The following KHDRBS2 variants were observed in gnomAD, a reference collection of about 807,000 sequenced individuals.
KHDRBS2 encodes the protein KH RNA binding domain containing, signal transduction associated 2.
KHDRBS2 carries 26 observed loss-of-function variants against 44.3 expected under a neutral mutation model. The observed-to-expected ratio is 0.59, with a 90% CI of 0.43 to 0.81. KHDRBS2 has a LOEUF of 0.81. Among genes scored for constraint, KHDRBS2 ranks in the 40% least tolerant of loss-of-function variants. The probability of loss-of-function intolerance (pLI) is 0.00; values close to 1 mark genes in which losing one functional copy is unlikely to be tolerated. For missense variants in KHDRBS2, 476 were observed against 433.1 expected, an observed-to-expected ratio of 1.10 and a Z score of -0.88; for synonymous variants, 194 against 151.1, an observed-to-expected ratio of 1.28 and a Z score of -2.08.
chr6:61,730,968 C>T (rs749524603), intron 7 of KHDRBS2, among the ~76,000 whole-genome samples: 2 of 151,994 alleles, frequency 1.3e-5, no homozygotes, highest in Non-Finnish European at 2.9e-5. Flanking sequence ...GAATGTCCCT[C>T]ATTATCAGAA....
chr6:62,251,938 T>C (rs1009315733), intron 1 of KHDRBS2, among the ~76,000 whole-genome samples: 2 of 151,884 alleles, frequency 1.3e-5, no homozygotes, highest in Non-Finnish European at 2.9e-5. Context: ...TGTTAAAATA[T>C]TTAAAAATAC....
At chr6:62,129,017 T>C (rs1278045282) in intron 2 of KHDRBS2, among the ~76,000 whole-genome samples, 2 of 152,068 alleles carry the variant, frequency 1.3e-5, no homozygotes, top group South Asian at 2.1e-4. Context: ...GAATGATAAA[T>C]AGGACCTTTT....
At chr6:62,096,376 CTT>C (rs1562847110) in intron 2 of KHDRBS2, among the ~76,000 whole-genome samples, 2 of 151,826 alleles carry the variant, frequency 1.3e-5, no homozygotes, top group Admixed American at 6.6e-5. Flanking sequence ...TGATGGGAGA[CTT>C]TTTATTTCTT....
At chr6:62,033,615 T>C (rs189546565) in intron 3 of KHDRBS2, among the ~76,000 whole-genome samples, 2 of 151,428 alleles carry the variant, frequency 1.3e-5, no homozygotes, top group East Asian at 3.9e-4. Context: ...TATCTGGATA[T>C]ATATATCCAG....
chr6:62,015,147 AATC>A (rs1399842697), intron 3 of KHDRBS2, among the ~76,000 whole-genome samples: 1 of 152,178 alleles, frequency 6.6e-6, no homozygotes, highest in Non-Finnish European at 1.5e-5. Flanking sequence ...TACATAATTG[AATC>A]ATCATTATAT....
intron 2 of KHDRBS2, among the ~76,000 whole-genome samples, chr6:62,078,509 C>T (rs971948360): frequency 2.0e-5 from 3 of 151,530 alleles, no homozygotes; most frequent in African/African-American, 7.3e-5. Flanking sequence ...GACTATTTTC[C>T]CCAAAACAAA....
chr6:62,148,359 C>G (rs1814378770), intron 2 of KHDRBS2, among the ~76,000 whole-genome samples: 1 of 151,980 alleles, frequency 6.6e-6, no homozygotes, highest in Non-Finnish European at 1.5e-5. Flanking sequence ...AGTAAGAATA[C>G]TATGAATAAA....
intron 1 of KHDRBS2, among the ~76,000 whole-genome samples, chr6:62,187,176 C>T (rs1207039131): frequency 1.3e-5 from 2 of 152,068 alleles, no homozygotes; most frequent in African/African-American, 4.8e-5. Flanking sequence ...TTATATCATT[C>T]CATCTTCATA....
At chr6:62,164,996 T>C (rs1818381979) in intron 2 of KHDRBS2, among the ~76,000 whole-genome samples, 1 of 151,904 alleles carries the variant, frequency 6.6e-6, no homozygotes, top group Admixed American at 6.6e-5. Context: ...AAATATGAAT[T>C]CTTCTGTATA....
chr6:61,798,981 G>C (rs1582900059), intron 6 of KHDRBS2, among the ~76,000 whole-genome samples: 2 of 151,960 alleles, frequency 1.3e-5, no homozygotes, highest in Non-Finnish European at 2.9e-5. Flanking sequence ...GAATTTTGTA[G>C]ATATTTGATA....
intron 2 of KHDRBS2, among the ~76,000 whole-genome samples, chr6:62,061,649 G>A (rs929130658): frequency 1.3e-5 from 2 of 151,024 alleles, no homozygotes; most frequent in Non-Finnish European, 3.0e-5. Context: ...ACAATTATGT[G>A]TCTTGGAGTT....
intron 2 of KHDRBS2, among the ~76,000 whole-genome samples, chr6:62,147,040 T>G (rs1562956327): frequency 2.0e-5 from 3 of 151,938 alleles, no homozygotes; most frequent in Admixed American, 1.3e-4. Context: ...TTAAAAATGC[T>G]TATAAGATAT....
chr6:62,113,372 G>T (rs1259161818), intron 2 of KHDRBS2, among the ~76,000 whole-genome samples: 1 of 152,064 alleles, frequency 6.6e-6, no homozygotes, highest in African/African-American at 2.4e-5. Context: ...TTTTAATGTG[G>T]TTAAAATATA....
chr6:62,188,651 A>C (rs948927904), intron 1 of KHDRBS2, among the ~76,000 whole-genome samples: 5 of 152,188 alleles, frequency 3.3e-5, no homozygotes, highest in Admixed American at 3.3e-4. Context: ...AAATGAAACA[A>C]CGTGCAAGAC....
chr6:61,828,620 G>C (rs1170534075), intron 6 of KHDRBS2, among the ~76,000 whole-genome samples: 2 of 152,034 alleles, frequency 1.3e-5, no homozygotes, highest in African/African-American at 2.4e-5. Context: ...TATACCTTTT[G>C]GGTATCCCTC....
At chr6:61,973,737 T>C (rs544996433) in intron 4 of KHDRBS2, among the ~76,000 whole-genome samples, 2 of 152,288 alleles carry the variant, frequency 1.3e-5, no homozygotes, top group South Asian at 2.1e-4. Flanking sequence ...CTTTAAATTA[T>C]ATAGACCTCT....
intron 2 of KHDRBS2, among the ~76,000 whole-genome samples, chr6:62,168,744 T>C (rs1819212014): frequency 1.3e-5 from 2 of 152,070 alleles, no homozygotes; most frequent in African/African-American, 4.8e-5. Flanking sequence ...CACTAACTCA[T>C]GATGTAATTG....
intron 6 of KHDRBS2, among the ~76,000 whole-genome samples, chr6:61,778,628 C>T (rs549775239): frequency 6.6e-6 from 1 of 152,272 alleles, no homozygotes; most frequent in East Asian, 1.9e-4. Flanking sequence ...TTACACAAAG[C>T]ACAGATGATT....
the KHDRBS2 span, among the ~76,000 whole-genome samples, chr6:61,597,773 T>TATATATATATATATGCAC: frequency 2.4e-5 from 1 of 42,330 alleles, no homozygotes; most frequent in African/African-American, 8.6e-5. Context: ...TATATATATA[T>TATATATATATATATGCAC]ACACCAAGAT....
Sources: allele counts gnomAD v4.1 joint callset (sites outside exome capture counted in the v4.1 genomes callset), GRCh38; gene constraint gnomAD v4.1.1; transcripts MANE v1.5; gene names NCBI Gene and HGNC (gene_info 2026-07-23, HGNC 2026-07-21).